Variants in SAMD5 observed in about 807,000 individuals in gnomAD.
SAMD5 encodes the protein sterile alpha motif domain containing 5.
A neutral mutation model predicts 11.3 loss-of-function variants in SAMD5; 13 were observed. The ratio of observed to expected loss-of-function variants is 1.15; its 90% confidence interval spans 0.75 to 1.83. SAMD5 has a LOEUF of 1.83. Among genes scored for constraint, SAMD5 ranks in the 40% most tolerant of loss-of-function variants. The pLI, the probability that SAMD5 is intolerant of heterozygous loss-of-function variation, is 0.00. For missense variants in SAMD5, 255 were observed against 239.1 expected, an observed-to-expected ratio of 1.07 and a Z score of -0.44; for synonymous variants, 129 against 111.3, an observed-to-expected ratio of 1.16 and a Z score of -1.00.
At chr6:147,646,578 C>G (rs1052991928) in intron 1 of SAMD5, among the ~76,000 whole-genome samples, 1 of 152,090 alleles carries the variant, frequency 6.6e-6, no homozygotes, top group African/African-American at 2.4e-5. Flanking sequence ...CTGTAGAAAA[C>G]TTTGTAATTT....
intron 1 of SAMD5, among the ~76,000 whole-genome samples, chr6:147,562,597 T>C (rs951380601): frequency 1.3e-5 from 2 of 151,574 alleles, no homozygotes; most frequent in Non-Finnish European, 3.0e-5. Context: ...CTGAGGCGGG[T>C]GGATCACGAG....
At chr6:147,801,553 G>A in the SAMD5 span, among the ~76,000 whole-genome samples, 1 of 152,196 alleles carries the variant, frequency 6.6e-6, no homozygotes, top group Admixed American at 6.5e-5. Flanking sequence ...GGGAGGACAA[G>A]ACAGTGGCCA....
chr6:147,860,614 T>G, the SAMD5 span, among the ~76,000 whole-genome samples: 1 of 152,208 alleles, frequency 6.6e-6, no homozygotes, highest in Admixed American at 6.5e-5. Context: ...TTAGGAGCTA[T>G]CATTCCTCAG....
intron 1 of SAMD5, among the ~76,000 whole-genome samples, chr6:147,675,589 GC>G (rs1790851482): frequency 6.6e-6 from 1 of 152,138 alleles, no homozygotes; most frequent in African/African-American, 2.4e-5. Context: ...AGGAGTTTTT[GC>G]CAGTGGTTGT....
At chr6:147,943,134 C>CT in the SAMD5 span, among the ~76,000 whole-genome samples, 1 of 152,260 alleles carries the variant, frequency 6.6e-6, no homozygotes, top group South Asian at 2.1e-4. Context: ...TCTATTGCTT[C>CT]ATCTTGCCTG....
chr6:147,623,564 G>A (rs894361568), intron 1 of SAMD5, among the ~76,000 whole-genome samples: 3 of 152,168 alleles, frequency 2.0e-5, no homozygotes, highest in South Asian at 4.1e-4. Context: ...TTTTCGTGAT[G>A]TATTTTCTTG....
chr6:147,939,412 T>A, the SAMD5 span, among the ~76,000 whole-genome samples: 2 of 152,110 alleles, frequency 1.3e-5, no homozygotes, highest in Non-Finnish European at 2.9e-5. Context: ...CCTTTAATCA[T>A]GCCTTGGTCT....
At chr6:147,927,821 T>C in the SAMD5 span, among the ~76,000 whole-genome samples, 1 of 152,218 alleles carries the variant, frequency 6.6e-6, no homozygotes, top group African/African-American at 2.4e-5. Context: ...ATGACTGTTA[T>C]TATTTTGAGG....
At position 147,565,072 on chromosome 6, in the gene SAMD5, C is replaced by T. The variant is rs1789014833; in HGVS notation, c.*616C>T. 1.0e-6 allele frequency: 1 copy of T among 982,826 alleles called. No individual in the cohort carries two copies. The highest frequency in any genetic ancestry group is 1.2e-6 in the Non-Finnish European group (1 of 827,562). The allele number at this position is 982,826 out of a possible 1,614,324, so 60.9% of individuals were successfully genotyped here. On this transcript the variant is annotated 3_prime_UTR_variant, in exon 2 of 2. Coordinates refer to ENST00000367474, the MANE Select transcript of SAMD5 (RefSeq NM_001030060.3). ...TTAAAGGTGATGAATTAAGGAACAT[C>T]ACCAAGAGAGGACAATTTCTTCTAA...
the SAMD5 span, among the ~76,000 whole-genome samples, chr6:147,884,006 C>T: frequency 6.3e-3 from 957 of 152,326 alleles, 9 homozygotes; most frequent in Non-Finnish European, 9.3e-3. Context: ...TTCCTCTTTA[C>T]AGCTTCTTTG....
intron 1 of SAMD5, among the ~76,000 whole-genome samples, chr6:147,704,184 T>C (rs2128458041): frequency 6.6e-6 from 1 of 152,280 alleles, no homozygotes; most frequent in East Asian, 1.9e-4. Context: ...CGTGAGCCAC[T>C]GCGCCTGGCC....
At chr6:147,564,013 C>T (rs925500549) in intron 1 of SAMD5, among the ~76,000 whole-genome samples, 49 of 152,204 alleles carry the variant, frequency 3.2e-4, no homozygotes, top group African/African-American at 1.1e-3. Context: ...AATGTATTGA[C>T]TATTGCTCTA....
downstream of SAMD5, among the ~76,000 whole-genome samples, chr6:147,574,902 T>A (rs1486858544): frequency 6.6e-6 from 1 of 152,194 alleles, no homozygotes; most frequent in Admixed American, 6.5e-5. Flanking sequence ...ACTGTAGCAT[T>A]CTGTGTCAGA....
At chr6:147,738,135 G>A (rs12175887), downstream of SAMD5, among the ~76,000 whole-genome samples, 1 of 152,154 alleles carries the variant, frequency 6.6e-6, no homozygotes, top group Non-Finnish European at 1.5e-5. Flanking sequence ...CTGCCTCAAA[G>A]AAGCCATCTC....
intron 1 of SAMD5, among the ~76,000 whole-genome samples, chr6:147,707,020 C>A (rs1426544404): frequency 1.2e-4 from 19 of 152,170 alleles, no homozygotes; most frequent in Non-Finnish European, 2.2e-4. Context: ...TGGTTATGTA[C>A]AAATGCCAAT....
the SAMD5 span, among the ~76,000 whole-genome samples, chr6:147,838,536 C>T: frequency 1.8e-4 from 26 of 143,916 alleles, no homozygotes; most frequent in African/African-American, 3.1e-4. Context: ...ATCCTGCCCC[C>T]CCCCCGTAGT....
intron 1 of SAMD5, among the ~76,000 whole-genome samples, chr6:147,653,494 A>G (rs976029025): frequency 6.6e-6 from 1 of 152,188 alleles, no homozygotes; most frequent in Non-Finnish European, 1.5e-5. Context: ...ATTATGCTTT[A>G]TATATGCTTT....
intron 1 of SAMD5, among the ~76,000 whole-genome samples, chr6:147,645,996 ATCTG>A (rs144057298): frequency 0.03 from 4,543 of 151,298 alleles, 230 homozygotes; most frequent in African/African-American, 0.11. Flanking sequence ...CTATTTCTAT[ATCTG>A]TCTGTCTGTC....
chr6:147,902,085 C>T, the SAMD5 span, among the ~76,000 whole-genome samples: 2 of 152,060 alleles, frequency 1.3e-5, no homozygotes, highest in East Asian at 1.9e-4. Context: ...TATTACATTG[C>T]TTTTGTAATT....
Sources: gnomAD v4.1 joint callset for allele counts (sites outside exome capture counted in the v4.1 genomes callset) on GRCh38, gnomAD v4.1.1 for gene constraint, MANE v1.5 for transcripts, NCBI Gene and HGNC (gene_info 2026-07-23, HGNC 2026-07-21) for gene names.